Variants in CUL1 observed in about 807,000 individuals in gnomAD.
CUL1 encodes cullin 1, also known as cullin-1.
In CUL1, 24 loss-of-function variants were observed where a neutral mutation model predicts 118.0. That is an observed-to-expected ratio of 0.20 (90% CI 0.15 to 0.29). The LOEUF (loss-of-function observed/expected upper bound fraction) is 0.29. Among genes scored for constraint, CUL1 ranks in the 10% least tolerant of loss-of-function variants. CUL1 has a pLI of 1.00. For missense variants in CUL1, 361 were observed against 933.8 expected (o/e 0.39, Z 7.99); for synonymous variants, 332 against 340.4 (o/e 0.98, Z 0.27).
rs143819513 is a variant in CUL1 at position 148,700,799 on chromosome 7, C to T, written c.-162+1770C>T. 3.9e-3 allele frequency among the ~76,000 whole-genome samples: 587 copies of T among 152,126 alleles called. 12 individuals carry two copies. Among genetic ancestry groups the T allele is most frequent in the East Asian group, 0.014 (71 of 5,170 alleles). On this transcript the variant is annotated intron_variant, in intron 1 of 21. Transcript: ENST00000325222. Reference sequence around the variant, plus strand: ...AAAACGATTTTGTCAAAAAACAAACCAAATTTAGATATGCTAGGGTTTTTC... The same window carrying T: ...AAAACGATTTTGTCAAAAAACAAACTAAATTTAGATATGCTAGGGTTTTTC...
At chr7:148,749,053 A>T (rs1416591117) in intron 2 of CUL1, among the ~76,000 whole-genome samples, 1 of 152,200 alleles carries the variant, frequency 6.6e-6, no homozygotes, top group Non-Finnish European at 1.5e-5. Flanking sequence ...TAAGTATTTT[A>T]AATGCTTATT....
chr7:148,729,591 G>A (rs1798689831), intron 1 of CUL1, among the ~76,000 whole-genome samples: 1 of 152,122 alleles, frequency 6.6e-6, no homozygotes, highest in South Asian at 2.1e-4. Context: ...TTTATTAGCT[G>A]TTTGTGTTCC....
At chr7:148,740,320 G>A (rs1799101749) in intron 2 of CUL1, among the ~76,000 whole-genome samples, 2 of 152,148 alleles carry the variant, frequency 1.3e-5, no homozygotes, top group African/African-American at 2.4e-5. Flanking sequence ...CTCCCATAGA[G>A]CTGGGATTAC....
rs762051280 is a variant in CUL1 at position 148,753,974 on chromosome 7, A to T, written c.141-2A>T. 6.3e-7 allele frequency: 1 copy of T among 1,582,818 alleles called. No individual in the cohort carries two copies. Among genetic ancestry groups the T allele is most frequent in the Non-Finnish European group, 8.5e-7 (1 of 1,170,486 alleles). On this transcript the variant is annotated splice_acceptor_variant, in intron 2 of 21. Coordinates refer to ENST00000325222, the MANE Select transcript of CUL1 (RefSeq NM_003592.3). LOFTEE classifies it high-confidence loss of function. ...TGTTGGTTTCCTTAACTTTTCTCCA[A>T]GTCATGTTTATAACTACTGTACTAG...
intron 11 of CUL1, 35 bp downstream of exon 11, chr7:148,784,112 G>A: frequency 6.6e-7 from 1 of 1,509,656 alleles, no homozygotes; most frequent in East Asian, 2.3e-5. Flanking sequence ...TAGTATGCCT[G>A]TTTAAAATCT....
At chr7:148,746,175 C>T (rs575228332) in intron 2 of CUL1, among the ~76,000 whole-genome samples, 1 of 152,260 alleles carries the variant, frequency 6.6e-6, no homozygotes, top group South Asian at 2.1e-4. Context: ...CTGAGCTTTC[C>T]TCCACAAAGA....
At chr7:148,733,243 T>TAA in intron 2 of CUL1, among the ~76,000 whole-genome samples, 1 of 152,240 alleles carries the variant, frequency 6.6e-6, no homozygotes, top group Non-Finnish European at 1.5e-5. Context: ...GAAGAAGTAT[T>TAA]TTGATTAACT....
chr7:148,756,699 G>A (rs1011466137), intron 3 of CUL1, among the ~76,000 whole-genome samples: 1 of 151,992 alleles, frequency 6.6e-6, no homozygotes, highest in Non-Finnish European at 1.5e-5. Flanking sequence ...TTAATAAAAA[G>A]GAATTACCCG....
intron 1 of CUL1, among the ~76,000 whole-genome samples, chr7:148,704,497 A>G (rs1797822737): frequency 6.6e-6 from 1 of 152,218 alleles, no homozygotes; most frequent in South Asian, 2.1e-4. Flanking sequence ...AAAAATGACT[A>G]CTAGATTAAT....
intron 9 of CUL1, among the ~76,000 whole-genome samples, chr7:148,777,413 G>A (rs1447199441): frequency 1.3e-5 from 2 of 152,202 alleles, no homozygotes; most frequent in Admixed American, 6.5e-5. Flanking sequence ...CACTTTGGGA[G>A]GTTGAGGCAG....
intron 2 of CUL1, among the ~76,000 whole-genome samples, chr7:148,749,061 AT>A (rs1420838623): frequency 6.6e-6 from 1 of 152,202 alleles, no homozygotes; most frequent in African/African-American, 2.4e-5. Flanking sequence ...TTAAATGCTT[AT>A]TTAAAAAAGG....
At position 148,786,305 on chromosome 7, in the gene CUL1, A is replaced by T. The variant is rs376555056; in HGVS notation, c.1299-246A>T. ...CAGAATGTTTTTGGAAATGTTTTAT[A>T]AATATCTCCTGTTGGTTTTCACCTT... is the stretch of plus-strand genomic sequence containing the variant. On this transcript the variant is annotated intron_variant, in intron 11 of 21. Coordinates refer to ENST00000325222, the MANE Select transcript of CUL1 (RefSeq NM_003592.3). Among the ~76,000 whole-genome samples the T allele has an allele frequency of 2.6e-5, 4 of 152,362 alleles. 1 individual carries two copies.
intron 9 of CUL1, among the ~76,000 whole-genome samples, chr7:148,781,078 G>GTTTTTTTTT (rs1800611287): frequency 2.4e-5 from 1 of 41,558 alleles, no homozygotes. Context: ...TTCAAGGCCA[G>GTTTTTTTTT]ATTTTTTTTT....
chr7:148,705,876 C>T (rs543262295), intron 1 of CUL1, among the ~76,000 whole-genome samples: 3 of 152,290 alleles, frequency 2.0e-5, no homozygotes, highest in South Asian at 2.1e-4. Flanking sequence ...ATTTTAAATA[C>T]GTAAAATCTT....
chr7:148,703,064 G>A (rs963623976), intron 1 of CUL1, among the ~76,000 whole-genome samples: 3 of 152,208 alleles, frequency 2.0e-5, no homozygotes, highest in East Asian at 1.9e-4. Flanking sequence ...CGAGTTAAAC[G>A]GGACAGGATA....
intron 4 of CUL1, 88 bp from the exon 5 acceptor site, chr7:148,759,211 ATAAAG>A: frequency 1.6e-6 from 2 of 1,249,238 alleles, no homozygotes; most frequent in Non-Finnish European, 2.3e-6. Flanking sequence ...AGAAATTTTG[ATAAAG>A]TAATTTGAGA....
At chr7:148,751,931 A>G (rs1164341642) in intron 2 of CUL1, among the ~76,000 whole-genome samples, 1 of 152,200 alleles carries the variant, frequency 6.6e-6, no homozygotes, top group Non-Finnish European at 1.5e-5. Flanking sequence ...CCTGACCTAC[A>G]TGGAGAAACC....
intron 17 of CUL1, among the ~76,000 whole-genome samples, chr7:148,793,929 AATT>A (rs1801101086): frequency 6.6e-6 from 1 of 152,180 alleles, no homozygotes; most frequent in Admixed American, 6.6e-5. Context: ...TTTTAAAAAA[AATT>A]ATAGCCATCC....
intron 2 of CUL1, among the ~76,000 whole-genome samples, chr7:148,736,596 G>A (rs1477613906): frequency 6.6e-6 from 1 of 152,166 alleles, no homozygotes; most frequent in Non-Finnish European, 1.5e-5. Context: ...AACCACACAA[G>A]CCTGGCCTTT....
Sources: gnomAD v4.1 joint callset for allele counts (sites outside exome capture counted in the v4.1 genomes callset) on GRCh38, gnomAD v4.1.1 for gene constraint, MANE v1.5 for transcripts, NCBI Gene and HGNC (gene_info 2026-07-23, HGNC 2026-07-21) for gene names.